FAM20B: variants seen among roughly 807,000 people sequenced by gnomAD.
The protein encoded by FAM20B is FAM20B glycosaminoglycan xylosylkinase, also known as glycosaminoglycan xylosylkinase.
A neutral mutation model predicts 43.8 loss-of-function variants in FAM20B; 23 were observed. The observed-to-expected ratio is 0.53, with a 90% CI of 0.38 to 0.74. The LOEUF is 0.74. Ranked by LOEUF, FAM20B falls within the 30% of genes least tolerant of loss-of-function variation. The probability of loss-of-function intolerance (pLI) is 0.00; values close to 1 mark genes in which losing one functional copy is unlikely to be tolerated. For missense variants in FAM20B, 440 were observed against 510.5 expected, an observed-to-expected ratio of 0.86 and a Z score of 1.33; for synonymous variants, 178 against 192.4, an observed-to-expected ratio of 0.93 and a Z score of 0.62.
At chr1:179,066,996 C>T (rs2102524974) in intron 7 of FAM20B, 137 bp downstream of exon 7, 1 of 636,338 alleles carries the variant, frequency 1.6e-6, no homozygotes, top group Non-Finnish European at 2.8e-6. Flanking sequence ...CCTAGAACCT[C>T]TGGACATCCT....
Position 179,076,235 on chromosome 1 carries a change from T to G in FAM20B, c.*4091T>G, listed in dbSNP as rs1037632113. On this transcript the variant is annotated 3_prime_UTR_variant, in exon 8 of 8. Transcript: ENST00000263733. The stretch of plus-strand genomic sequence containing the variant: ...ACAGGGGAAGGCCAGTTTTTTTCCC[T>G]TCAATTCCTCAAGTCTGGGTGGTGA... 1.3e-5 allele frequency: 2 copies of G among 152,122 alleles called. No homozygotes were observed. The highest frequency in any genetic ancestry group is 2.9e-5 in the Non-Finnish European group (2 of 68,014). The allele number at this position is 152,122 out of a possible 1,614,324, so 9.4% of individuals were successfully genotyped here. A position where few individuals can be genotyped will look rare whatever the true frequency, so the allele number is the denominator to read the frequency against.
In FAM20B at chr1:179,072,136, C is replaced by T. The variant is rs754252626; in HGVS notation, c.1222C>T (p.His408Tyr). ...GGTGGAAGACAGGATGCCTCTCTCA[C>T]ACTTGTAATTCTCGACACAAAATAA... ...VLVEDRMPLS[H>Y]L Residue 408 changes from histidine to tyrosine, a missense_variant, in exon 8 of 8, where the codon CAC becomes TAC. Transcript: ENST00000263733. 2 of 1,608,698 alleles carry T rather than the reference C, an allele frequency of 1.2e-6. No individual in the cohort carries two copies. Among genetic ancestry groups the T allele is most frequent in the Admixed American group, 1.7e-5 (1 of 59,490 alleles).
intron 4 of FAM20B, among the ~76,000 whole-genome samples, chr1:179,062,581 C>T (rs1415783870): frequency 6.6e-6 from 1 of 151,848 alleles, no homozygotes; most frequent in Non-Finnish European, 1.5e-5. Context: ...ACCCGGGAGG[C>T]GGAGGTTTCA....
upstream of FAM20B, among the ~76,000 whole-genome samples, chr1:179,022,254 C>A (rs918720353): frequency 3.3e-5 from 5 of 152,210 alleles, no homozygotes; most frequent in African/African-American, 1.2e-4. Flanking sequence ...GCACATGCTC[C>A]TGGAAGGAAA....
intron 1 of FAM20B, among the ~76,000 whole-genome samples, chr1:179,028,885 C>T (rs757341728): frequency 5.3e-5 from 8 of 152,252 alleles, no homozygotes; most frequent in Middle Eastern, 3.4e-3. Flanking sequence ...TATTTAGTTC[C>T]TCTTTTTGTC....
intron 1 of FAM20B, among the ~76,000 whole-genome samples, chr1:179,039,359 T>C (rs920657604): frequency 6.6e-6 from 1 of 152,168 alleles, no homozygotes; most frequent in African/African-American, 2.4e-5. Flanking sequence ...TTGCCCAGAG[T>C]GTGGTCAGCC....
intron 1 of FAM20B, among the ~76,000 whole-genome samples, chr1:179,038,242 C>T (rs1254047182): frequency 6.6e-6 from 1 of 151,958 alleles, no homozygotes; most frequent in Non-Finnish European, 1.5e-5. Flanking sequence ...AACCCTGTCT[C>T]TACTAAAAAT....
At chr1:179,035,192 A>G (rs1650170919) in intron 1 of FAM20B, 2 of 408,540 alleles carry the variant, frequency 4.9e-6, no homozygotes, top group South Asian at 2.1e-5. Context: ...CCCCACACCA[A>G]CATGCTTTTC....
chr1:179,031,049 A>G (rs1649989937), intron 1 of FAM20B, among the ~76,000 whole-genome samples: 1 of 152,202 alleles, frequency 6.6e-6, no homozygotes, highest in African/African-American at 2.4e-5. Flanking sequence ...CGTACCATAG[A>G]ACATAAGGCT....
Position 179,052,294 on chromosome 1 carries a change from G to C in FAM20B, c.464+1929G>C, listed in dbSNP as rs557420163. The stretch of plus-strand genomic sequence containing the variant: ...TCAATTGCTAATAAATATGTGGGGT[G>C]GGGGGAGGTTCATCCTCACCAGAAA... On this transcript the variant is annotated intron_variant, in intron 3 of 7. Transcript: ENST00000263733. 3.3e-5 allele frequency among the ~76,000 whole-genome samples: 5 copies of C among 152,146 alleles called. No individual in the cohort carries two copies. In the South Asian group the frequency reaches 6.2e-4, roughly 19 times the overall value.
chr1:179,049,103 C>A (rs1469927087), intron 2 of FAM20B, among the ~76,000 whole-genome samples: 1 of 152,078 alleles, frequency 6.6e-6, no homozygotes, highest in African/African-American at 2.4e-5. Context: ...TTTTTTCTTC[C>A]TAATTAACAG....
chr1:179,043,059 G>A (rs1021513077), intron 1 of FAM20B, among the ~76,000 whole-genome samples: 1 of 152,172 alleles, frequency 6.6e-6, no homozygotes, highest in African/African-American at 2.4e-5. Flanking sequence ...CCGCCCAGGA[G>A]CCTGCCTCCT....
In FAM20B at chr1:179,073,990, C is replaced by T. The variant is rs184090991; in HGVS notation, c.*1846C>T. 1 of 152,400 alleles carries T rather than the reference C, an allele frequency of 6.6e-6. No homozygotes were observed. Among genetic ancestry groups the T allele is most frequent in the Non-Finnish European group, 1.5e-5 (1 of 68,026 alleles). The allele number at this position is 152,400 out of a possible 1,614,324, so 9.4% of individuals were successfully genotyped here. On this transcript the variant is annotated 3_prime_UTR_variant, in exon 8 of 8. Transcript: ENST00000263733. Reference sequence around the variant, plus strand: ...TGTCAAGTAGAGGCGAATATATAAACAGTGTGGTTGAATACATTTAATGCC... The same window carrying T: ...TGTCAAGTAGAGGCGAATATATAAATAGTGTGGTTGAATACATTTAATGCC...
intron 6 of FAM20B, among the ~76,000 whole-genome samples, chr1:179,065,010 T>C (rs1651630462): frequency 6.6e-6 from 1 of 152,204 alleles, no homozygotes; most frequent in African/African-American, 2.4e-5. Flanking sequence ...CAAGTTACTT[T>C]TATCTTGAAT....
upstream of FAM20B, among the ~76,000 whole-genome samples, chr1:179,023,417 T>C (rs924946381): frequency 3.9e-5 from 6 of 152,152 alleles, no homozygotes; most frequent in African/African-American, 1.2e-4. Flanking sequence ...GACAACGACA[T>C]GTAGAACCAT....
intron 1 of FAM20B, among the ~76,000 whole-genome samples, chr1:179,042,504 C>T (rs1013944566): frequency 3.9e-5 from 6 of 152,140 alleles, no homozygotes; most frequent in African/African-American, 1.2e-4. Context: ...TCGGGGAGAC[C>T]CTAGGTCTGA....
intron 1 of FAM20B, among the ~76,000 whole-genome samples, chr1:179,039,377 A>G (rs918697750): frequency 3.3e-5 from 5 of 152,198 alleles, no homozygotes; most frequent in Admixed American, 2.0e-4. Context: ...GCCCCATGCT[A>G]GAAGGAGCAG....
chr1:179,064,235 T>G, intron 5 of FAM20B, 70 bp from the exon 6 acceptor site: 1 of 1,453,404 alleles, frequency 6.9e-7, no homozygotes, highest in South Asian at 1.3e-5. Context: ...AGGAACTCTG[T>G]CTTCTCTTTG....
chr1:179,026,657 G>T (rs537454382), intron 1 of FAM20B, among the ~76,000 whole-genome samples: 76 of 152,348 alleles, frequency 5.0e-4, no homozygotes, highest in African/African-American at 1.8e-3. Context: ...GCGGTCTCCT[G>T]GGGTCCTGCG....
Sources: gnomAD v4.1 joint callset for allele counts (sites outside exome capture counted in the v4.1 genomes callset) on GRCh38, gnomAD v4.1.1 for gene constraint, MANE v1.5 for transcripts, NCBI Gene and HGNC (gene_info 2026-07-23, HGNC 2026-07-21) for gene names.